Variants in CTXN3 observed in about 807,000 individuals in gnomAD.
The protein encoded by CTXN3 is cortexin-3.
A neutral mutation model predicts 5.0 loss-of-function variants in CTXN3; 4 were observed. The observed-to-expected ratio is 0.79, with a 90% CI of 0.39 to 1.82. CTXN3 has a LOEUF of 1.82. Ranked by LOEUF, CTXN3 falls within the 40% of genes most tolerant of loss-of-function variation. The pLI, the probability that CTXN3 is intolerant of heterozygous loss-of-function variation, is 0.04. For synonymous variants in CTXN3, 48 were observed against 38.6 expected, an observed-to-expected ratio of 1.24 and a Z score of -0.91; for missense variants, 89 against 99.7, an observed-to-expected ratio of 0.89 and a Z score of 0.46.
chr5:127,655,226 G>T (rs1749880259), intron 2 of CTXN3, among the ~76,000 whole-genome samples: 1 of 152,266 alleles, frequency 6.6e-6, no homozygotes, highest in Admixed American at 6.5e-5. Context: ...TCGCACCATT[G>T]CACTCCACCT....
intron 1 of CTXN3, chr5:127,651,728 G>T (rs1453177652): frequency 6.6e-6 from 1 of 151,970 alleles, no homozygotes; most frequent in Non-Finnish European, 1.5e-5. Context: ...GCAAAAGGGT[G>T]GGCTCTTGAG....
At chr5:127,649,834 C>A (rs554785634) in intron 1 of CTXN3, among the ~76,000 whole-genome samples, 1 of 152,086 alleles carries the variant, frequency 6.6e-6, no homozygotes, top group Non-Finnish European at 1.5e-5. Flanking sequence ...GGCTGATAAG[C>A]TGTGTGCAGC....
chr5:127,654,635 A>G (rs909919330), intron 2 of CTXN3, among the ~76,000 whole-genome samples: 26 of 152,288 alleles, frequency 1.7e-4, no homozygotes, highest in African/African-American at 6.3e-4. Flanking sequence ...TTGTGGGTGA[A>G]GCCTAGAAAG....
rs1459283708 is a variant in CTXN3, at chr5:127,658,312, A to G, written c.*545A>G. 1 of 168,436 alleles carries G rather than the reference A, an allele frequency of 5.9e-6. No homozygotes were observed. The highest frequency in any genetic ancestry group is 1.4e-5 in the Non-Finnish European group (1 of 69,102). 10.4% of individuals were successfully genotyped at this position (168,436 alleles called of 1,614,324 possible). On this transcript the variant is annotated 3_prime_UTR_variant, in exon 3 of 3. Coordinates refer to ENST00000379445, the MANE Select transcript of CTXN3 (RefSeq NM_001048252.3). ...GCAATGGAAAAGCTTAAAAGAGATG[A>G]TTCTGTCCTTGGTAAATGTGAGTGA...
chr5:127,652,026 C>T (rs1561420577), intron 1 of CTXN3, among the ~76,000 whole-genome samples: 2 of 152,112 alleles, frequency 1.3e-5, no homozygotes, highest in Non-Finnish European at 2.9e-5. Context: ...AATGGCTGCC[C>T]TTCCCCACCA....
At position 127,650,696 on chromosome 5, in the gene CTXN3, T is replaced by G. The variant is rs140007616; in HGVS notation, c.-207+1308T>G. ...TGTTCACTAGAATAATACACAGAAT[T>G]TCTAAAAGATTTGTAGGGGAATAAT... On this transcript the variant is annotated intron_variant, in intron 1 of 2. Transcript: ENST00000379445. Among the ~76,000 whole-genome samples the G allele has an allele frequency of 7.3e-3, 1,111 of 152,350 alleles. 19 individuals are homozygous for G. The highest frequency in any genetic ancestry group is 0.025 in the African/African-American group (1,058 of 41,570).
In CTXN3 at chr5:127,657,691, G is replaced by T. The variant is rs747562833; in HGVS notation, c.170G>T (p.Arg57Leu). The T allele has an allele frequency of 2.5e-6, 4 of 1,614,106 alleles. No individual in the cohort carries two copies. Among genetic ancestry groups the T allele is most frequent in the Non-Finnish European group, 3.4e-6 (4 of 1,180,012 alleles). ...RCFRILLDPYRSMPTSTWADG... is the reference protein window; with the variant it reads ...RCFRILLDPYLSMPTSTWADG... ...TTCCGGATTCTTTTGGATCCATATC[G>T]AAGCATGCCAACCTCTACCTGGGCT... is the stretch of plus-strand genomic sequence containing the variant. Residue 57 changes from arginine to leucine, a missense_variant, in exon 3 of 3, where the codon CGA (arginine) becomes CTA (leucine). Coordinates refer to ENST00000379445, the MANE Select transcript of CTXN3 (RefSeq NM_001048252.3).
At chr5:127,657,233 T>TGA (rs1236578576) in intron 2 of CTXN3, among the ~76,000 whole-genome samples, 190 bp from the exon 3 acceptor site, 1 of 152,178 alleles carries the variant, frequency 6.6e-6, no homozygotes, top group Non-Finnish European at 1.5e-5. Context: ...GTGGCTCTTC[T>TGA]GAGAACAATC....
intron 2 of CTXN3, among the ~76,000 whole-genome samples, chr5:127,655,761 T>A (rs1213110489): frequency 6.6e-6 from 1 of 152,202 alleles, no homozygotes; most frequent in East Asian, 1.9e-4. Flanking sequence ...TTTTTTAAAA[T>A]GCGGTCAAAT....
At chr5:127,654,034 C>T (rs1331916844) in intron 2 of CTXN3, among the ~76,000 whole-genome samples, 1 of 152,202 alleles carries the variant, frequency 6.6e-6, no homozygotes, top group Admixed American at 6.5e-5. Flanking sequence ...TTCCTTCAAT[C>T]GCCTTTCTAC....
chr5:127,649,289 C>T lies in CTXN3; in HGVS notation c.-306C>T, dbSNP rs1268767763. ...TGCAGCTACCACTGTCTACTGCTTT[C>T]ACACAGCGTGGTCGGGAAGAATGGA... On this transcript the variant is annotated 5_prime_UTR_variant, in exon 1 of 3. Coordinates refer to ENST00000379445, the MANE Select transcript of CTXN3 (RefSeq NM_001048252.3). 6.6e-6 allele frequency: 1 copy of T among 152,214 alleles called. No individual in the cohort carries two copies. The highest frequency in any genetic ancestry group is 1.5e-5 in the Non-Finnish European group (1 of 68,040). The allele number at this position is 152,214 out of a possible 1,614,324, so 9.4% of individuals were successfully genotyped here. A position where few individuals can be genotyped will look rare whatever the true frequency, so the allele number is the denominator to read the frequency against.
At chr5:127,657,052 C>A (rs189034007) in intron 2 of CTXN3, among the ~76,000 whole-genome samples, 1 of 152,178 alleles carries the variant, frequency 6.6e-6, no homozygotes, top group African/African-American at 2.4e-5. Context: ...ATGGCGCTAT[C>A]GTAAGAACAA....
At chr5:127,656,904 C>G in intron 2 of CTXN3, among the ~76,000 whole-genome samples, 1 of 152,188 alleles carries the variant, frequency 6.6e-6, no homozygotes, top group East Asian at 1.9e-4. Flanking sequence ...GAGAAGGTTT[C>G]TATTTTAAGC....
intron 2 of CTXN3, among the ~76,000 whole-genome samples, chr5:127,656,024 G>A (rs1313267154): frequency 2.0e-5 from 3 of 152,168 alleles, no homozygotes; most frequent in Non-Finnish European, 4.4e-5. Context: ...TGAAGGCAAT[G>A]ATTATAAGTT....
chr5:127,652,522 C>CTGGAGA (rs778439617), intron 1 of CTXN3, among the ~76,000 whole-genome samples: 6 of 151,994 alleles, frequency 3.9e-5, no homozygotes, highest in Non-Finnish European at 8.8e-5. Flanking sequence ...GGTGATGTCT[C>CTGGAGA]TGGAGATGGA....
intron 2 of CTXN3, 134 bp from the exon 3 acceptor site, chr5:127,657,289 A>G: frequency 1.9e-6 from 1 of 522,582 alleles, no homozygotes; most frequent in Non-Finnish European, 3.4e-6. Flanking sequence ...ATAATTATAC[A>G]GAATTGAGCA....
chr5:127,656,843 C>T (rs1288409023), intron 2 of CTXN3, among the ~76,000 whole-genome samples: 2 of 152,202 alleles, frequency 1.3e-5, no homozygotes, highest in Admixed American at 1.3e-4. Context: ...CAAGGTCCCA[C>T]ACCCGTTTTG....
At position 127,657,557 on chromosome 5, in the gene CTXN3, G is replaced by T. The variant is rs45074; in HGVS notation, c.36G>T (p.Val12=). Residue 12 remains valine, a synonymous_variant, in exon 3 of 3, where the codon GTG becomes GTT. Transcript: ENST00000379445. ...DGGQPIPSSL[V]PLGNESADSS... Reference sequence around the variant, plus strand: ...GACAGCCCATCCCCTCATCCCTAGTGCCCCTTGGGAACGAATCAGCAGATT... The same window carrying T: ...GACAGCCCATCCCCTCATCCCTAGTTCCCCTTGGGAACGAATCAGCAGATT... The T allele has an allele frequency of 6.2e-7, 1 of 1,613,810 alleles. No individual in the cohort carries two copies. The highest frequency in any genetic ancestry group is 8.5e-7 in the Non-Finnish European group (1 of 1,179,842).
Position 127,658,144 on chromosome 5 carries a change from G to T in CTXN3, c.*377G>T. The T allele has an allele frequency of 4.3e-6, 1 of 232,374 alleles. No individual in the cohort carries two copies. Among genetic ancestry groups the T allele is most frequent in the Non-Finnish European group, 9.2e-6 (1 of 108,904 alleles). 14.4% of individuals were successfully genotyped at this position (232,374 alleles called of 1,614,324 possible). A position where few individuals can be genotyped will look rare whatever the true frequency, so the allele number is the denominator to read the frequency against. The stretch of plus-strand genomic sequence containing the variant: ...CATATGAATCTGGTGACAAGGCCAG[G>T]AAGAGATTTCCTTGCTCTAATTATG... On this transcript the variant is annotated 3_prime_UTR_variant, in exon 3 of 3. Transcript: ENST00000379445.
Sources: gnomAD v4.1 joint callset for allele counts (sites outside exome capture counted in the v4.1 genomes callset) on GRCh38, gnomAD v4.1.1 for gene constraint, MANE v1.5 for transcripts, NCBI Gene and HGNC (gene_info 2026-07-23, HGNC 2026-07-21) for gene names.